PRKX: variants seen among roughly 807,000 people sequenced by gnomAD.
PRKX encodes the protein cAMP-dependent protein kinase catalytic subunit PRKX.
In PRKX, 12 loss-of-function variants were observed where a neutral mutation model predicts 22.0. That is an observed-to-expected ratio of 0.54 (90% confidence interval 0.35 to 0.88). The LOEUF (loss-of-function observed/expected upper bound fraction) is 0.88, where lower values mean the gene tolerates loss of function less well. Among genes scored for constraint, PRKX ranks in the 40% least tolerant of loss-of-function variants. The probability of loss-of-function intolerance (pLI) is 0.01; values close to 1 mark genes in which losing one functional copy is unlikely to be tolerated. For synonymous variants in PRKX, 134 were observed against 137.7 expected (o/e 0.97, Z 0.19); for missense variants, 217 against 308.0 (o/e 0.70, Z 2.21).
At chrX:3,704,138 C>T (rs899734812) in intron 1 of PRKX, among the ~76,000 whole-genome samples, 3 of 111,969 alleles carry the variant, frequency 2.7e-5, no homozygotes, top group East Asian at 2.8e-4. Context: ...AGAAATGCAG[C>T]GTGAAAACGC....
intron 2 of PRKX, among the ~76,000 whole-genome samples, chrX:3,666,031 GAC>G (rs1927719038): frequency 9.3e-6 from 1 of 107,440 alleles, no homozygotes; most frequent in Non-Finnish European, 1.9e-5. Context: ...TTTTTTTTGA[GAC>G]AGAGTCTTAC....
chrX:3,677,318 T>C (rs1418271792), intron 1 of PRKX, among the ~76,000 whole-genome samples: 1 of 52,585 alleles, frequency 1.9e-5, no homozygotes, highest in African/African-American at 1.1e-4. Context: ...TCACATTATA[T>C]TGTTTTGTCT....
chrX:3,688,705 A>G (rs34885300), intron 1 of PRKX, among the ~76,000 whole-genome samples: 16,084 of 109,392 alleles, frequency 0.15, 1,438 homozygotes, highest in African/African-American at 0.33. Context: ...TATAAAAAAA[A>G]AAAATTTTTT....
chrX:3,699,646 G>A (rs754171985), intron 1 of PRKX, among the ~76,000 whole-genome samples: 2 of 112,390 alleles, frequency 1.8e-5, no homozygotes, highest in Middle Eastern at 4.6e-3. Flanking sequence ...GAGCCACGGC[G>A]CCCAGCCAGG....
At chrX:3,667,572 G>A (rs1235359921) in intron 2 of PRKX, 1 of 110,362 alleles carries the variant, frequency 9.1e-6, no homozygotes, top group African/African-American at 3.3e-5. Context: ...TGAGACAGTT[G>A]CTGCAGATGT....
intron 4 of PRKX, among the ~76,000 whole-genome samples, chrX:3,639,521 T>TGG (rs1301160015): frequency 2.0e-4 from 1 of 5,086 alleles, no homozygotes; most frequent in Non-Finnish European, 3.6e-4. Flanking sequence ...AAGGAGTGGG[T>TGG]GGGTGGATGG....
Position 3,655,445 on chromosome X carries a change from C to T in PRKX, c.336-33G>A, listed in dbSNP as rs374571334. On this transcript the variant is annotated intron_variant, in intron 2 of 8. Coordinates refer to ENST00000262848, the MANE Select transcript of PRKX (RefSeq NM_005044.5). Reference sequence around the variant, plus strand: ...GACAGACAGCACATGCTCAGGGCCCCGCCAAGGCAGGGCAGGGGGTACGCC... The same window carrying T: ...GACAGACAGCACATGCTCAGGGCCCTGCCAAGGCAGGGCAGGGGGTACGCC... 10 of 1,207,920 alleles carry T rather than the reference C, an allele frequency of 8.3e-6. No homozygotes were observed. In the African/African-American group the frequency reaches 8.7e-5, roughly 11 times the overall value.
At chrX:3,632,682 AGT>A (rs768422911) in intron 4 of PRKX, among the ~76,000 whole-genome samples, 1 of 111,457 alleles carries the variant, frequency 9.0e-6, no homozygotes, top group East Asian at 2.8e-4. Flanking sequence ...AAGCAGAGAC[AGT>A]GTGTGTGTGT....
In PRKX at chrX:3,638,667, C is replaced by T. The variant is rs534142325; in HGVS notation, c.719+3185G>A. 2.4e-4 allele frequency among the ~76,000 whole-genome samples: 27 copies of T among 110,815 alleles called. No homozygotes were observed. The South Asian group carries it at 8.1e-3, about 33-fold the overall frequency. Reference sequence around the variant, plus strand: ...TGGAAAATTCAAAAGACCAACAGGCCGGTAGGTAGGTAGATTATTGATAGC... The same window carrying T: ...TGGAAAATTCAAAAGACCAACAGGCTGGTAGGTAGGTAGATTATTGATAGC... On this transcript the variant is annotated intron_variant, in intron 4 of 8. Coordinates refer to ENST00000262848, the MANE Select transcript of PRKX (RefSeq NM_005044.5).
intron 3 of PRKX, among the ~76,000 whole-genome samples, chrX:3,652,342 C>T (rs750255710): frequency 7.4e-5 from 8 of 107,668 alleles, no homozygotes; most frequent in Admixed American, 1.0e-4. Flanking sequence ...GGCGTGAACT[C>T]GGGAGGCAGA....
At chrX:3,615,360 G>A (rs1926398378) in intron 7 of PRKX, among the ~76,000 whole-genome samples, 1 of 111,413 alleles carries the variant, frequency 9.0e-6, no homozygotes, top group Non-Finnish European at 1.9e-5. Context: ...GGCCAGAAAC[G>A]TTCCAAAGAA....
intron 2 of PRKX, among the ~76,000 whole-genome samples, chrX:3,659,718 T>G (rs1299977862): frequency 3.8e-5 from 1 of 26,100 alleles, no homozygotes; most frequent in South Asian, 1.3e-3. Context: ...GTTTTTTTTG[T>G]TTTTTTTTTT....
intron 4 of PRKX, among the ~76,000 whole-genome samples, chrX:3,630,091 C>T (rs1177026676): frequency 1.8e-5 from 2 of 112,099 alleles, no homozygotes; most frequent in African/African-American, 6.5e-5. Context: ...GCTGCAGAAA[C>T]CAGCAGACTT....
At chrX:3,685,261 A>T (rs12395186) in intron 1 of PRKX, among the ~76,000 whole-genome samples, 19 of 99,934 alleles carry the variant, frequency 1.9e-4, no homozygotes, top group African/African-American at 4.7e-4. Context: ...CCATCTTTCC[A>T]TCCTCCTTTC....
chrX:3,643,825 G>A (rs978116416), intron 3 of PRKX, among the ~76,000 whole-genome samples: 1 of 111,029 alleles, frequency 9.0e-6, no homozygotes, highest in Non-Finnish European at 1.9e-5. Flanking sequence ...AATGTATCAA[G>A]CATGTGCAAA....
At chrX:3,700,992 A>G (rs749459095) in intron 1 of PRKX, among the ~76,000 whole-genome samples, 16 of 112,353 alleles carry the variant, frequency 1.4e-4, no homozygotes, top group African/African-American at 4.8e-4. Flanking sequence ...GCTTTAATAA[A>G]CAAAATCATT....
intron 1 of PRKX, among the ~76,000 whole-genome samples, chrX:3,712,298 C>G (rs1020417821): frequency 7.2e-5 from 8 of 111,242 alleles, no homozygotes; most frequent in African/African-American, 2.6e-4. Flanking sequence ...CCGATGACAA[C>G]TGTTTAAATC....
intron 1 of PRKX, among the ~76,000 whole-genome samples, chrX:3,699,145 T>TCCTGC (rs1193345552): frequency 9.4e-6 from 1 of 106,256 alleles, no homozygotes; most frequent in Non-Finnish European, 1.9e-5. Flanking sequence ...CAAGCAATTC[T>TCCTGC]CCTGCCTCAG....
At chrX:3,701,389 A>AG (rs1928569154) in intron 1 of PRKX, among the ~76,000 whole-genome samples, 1 of 112,809 alleles carries the variant, frequency 8.9e-6, no homozygotes, top group Non-Finnish European at 1.9e-5. Context: ...TATAGGCGTG[A>AG]GCCACTGTGT....
Sources: gnomAD v4.1 joint callset for allele counts (sites outside exome capture counted in the v4.1 genomes callset) on GRCh38, gnomAD v4.1.1 for gene constraint, MANE v1.5 for transcripts, NCBI Gene and HGNC (gene_info 2026-07-23, HGNC 2026-07-21) for gene names.